AGMO: variants seen among roughly 807,000 people sequenced by gnomAD.
AGMO encodes alkylglycerol monooxygenase.
AGMO carries 75 observed loss-of-function variants against 60.2 expected under a neutral mutation model. The ratio of observed to expected loss-of-function variants is 1.25; its 90% CI spans 1.03 to 1.51. The LOEUF is 1.51. Among genes scored for constraint, AGMO ranks in the 40% most tolerant of loss-of-function variants. The pLI is 0.00. For synonymous variants in AGMO, 261 were observed against 177.1 expected, an observed-to-expected ratio of 1.47 and a Z score of -3.76; for missense variants, 763 against 525.5, an observed-to-expected ratio of 1.45 and a Z score of -4.42.
intron 12 of AGMO, among the ~76,000 whole-genome samples, chr7:15,204,545 T>C (rs970692471): frequency 2.0e-5 from 3 of 152,176 alleles, no homozygotes; most frequent in African/African-American, 7.2e-5. Flanking sequence ...TGTATCCTAG[T>C]TCTAGGCAAG....
chr7:15,539,974 A>G (rs950138749), intron 3 of AGMO, among the ~76,000 whole-genome samples: 2 of 152,182 alleles, frequency 1.3e-5, no homozygotes, highest in African/African-American at 4.8e-5. Context: ...TCAGGGTCCA[A>G]TCAAGAGACA....
chr7:15,127,709 T>C, the AGMO span, among the ~76,000 whole-genome samples: 1 of 152,286 alleles, frequency 6.6e-6, no homozygotes, highest in East Asian at 1.9e-4. Context: ...AACTGGATTT[T>C]ATATTTCTAT....
At chr7:15,468,465 A>G (rs1365071892) in intron 3 of AGMO, among the ~76,000 whole-genome samples, 1 of 152,122 alleles carries the variant, frequency 6.6e-6, no homozygotes. Flanking sequence ...TTATATGTAC[A>G]TGTATAACAC....
intron 12 of AGMO, among the ~76,000 whole-genome samples, chr7:15,342,805 A>AAAAT: frequency 6.9e-6 from 1 of 144,068 alleles, no homozygotes; most frequent in African/African-American, 2.6e-5. Context: ...AAAAAAAAAA[A>AAAAT]TTGATCTGAA....
At chr7:15,209,888 C>T (rs1781539149) in intron 12 of AGMO, among the ~76,000 whole-genome samples, 1 of 152,000 alleles carries the variant, frequency 6.6e-6, no homozygotes, top group Non-Finnish European at 1.5e-5. Context: ...CAGCTGTTTT[C>T]AATAAGACTT....
chr7:15,464,215 G>C (rs1397475658), intron 3 of AGMO, among the ~76,000 whole-genome samples: 1 of 152,164 alleles, frequency 6.6e-6, no homozygotes, highest in African/African-American at 2.4e-5. Flanking sequence ...GAACTGGAGT[G>C]GGACCAGGAG....
intron 3 of AGMO, among the ~76,000 whole-genome samples, chr7:15,523,120 A>G (rs1399821625): frequency 1.3e-5 from 2 of 152,262 alleles, no homozygotes; most frequent in Non-Finnish European, 2.9e-5. Context: ...CATTAGAAAA[A>G]TGCAAATCAA....
At chr7:15,331,107 G>A (rs1781487585) in intron 12 of AGMO, among the ~76,000 whole-genome samples, 2 of 152,144 alleles carry the variant, frequency 1.3e-5, no homozygotes, top group Admixed American at 6.6e-5. Context: ...TAGGAGTAAA[G>A]GAGGCCACTC....
At position 15,448,435 on chromosome 7, in the gene AGMO, C is replaced by A. The variant is rs543697475; in HGVS notation, c.410-17327G>T. 2.6e-5 allele frequency among the ~76,000 whole-genome samples: 4 copies of A among 152,174 alleles called. No homozygotes were observed. The East Asian group carries it at 7.7e-4, about 29-fold the overall frequency. ...ACTTCTTTATCTTGGACTTCCTAGACTCTAGAATATAAAAAATAAACTTCT... is the reference window on the plus strand; with the variant it reads ...ACTTCTTTATCTTGGACTTCCTAGAATCTAGAATATAAAAAATAAACTTCT... On this transcript the variant is annotated intron_variant, in intron 3 of 12. Transcript: ENST00000342526.
At chr7:15,379,244 A>C (rs1783580836) in intron 10 of AGMO, among the ~76,000 whole-genome samples, 1 of 152,086 alleles carries the variant, frequency 6.6e-6, no homozygotes, top group Admixed American at 6.6e-5. Context: ...TCCCAAAGCT[A>C]TCACAAGACA....
At chr7:15,345,883 ATTT>A (rs147407572) in intron 12 of AGMO, among the ~76,000 whole-genome samples, 1 of 151,552 alleles carries the variant, frequency 6.6e-6, no homozygotes, top group Admixed American at 6.6e-5. Flanking sequence ...TTGGTACTTA[ATTT>A]TTTTTTGAGT....
intron 3 of AGMO, among the ~76,000 whole-genome samples, chr7:15,505,413 G>A (rs769398359): frequency 1.3e-5 from 2 of 151,938 alleles, no homozygotes; most frequent in East Asian, 1.9e-4. Flanking sequence ...AACAAGGCAG[G>A]AGAATTTAGA....
At chr7:15,339,290 G>A (rs1781758360) in intron 12 of AGMO, among the ~76,000 whole-genome samples, 1 of 152,160 alleles carries the variant, frequency 6.6e-6, no homozygotes, top group Non-Finnish European at 1.5e-5. Flanking sequence ...GACAAAGTTT[G>A]TGTAAAATCA....
At position 15,560,123 on chromosome 7, in the gene AGMO, G is replaced by A. The variant is rs199875314; in HGVS notation, c.257+18C>T. The A allele has an allele frequency of 1.4e-5, 23 of 1,593,362 alleles. No homozygotes were observed. Among genetic ancestry groups the A allele is most frequent in the Middle Eastern group, 1.7e-4 (1 of 5,960 alleles). On this transcript the variant is annotated intron_variant, in intron 2 of 12. Transcript: ENST00000342526. ...AATTTCAGTTTTTATGCTCAGCGTT[G>A]TTGACCATCTAACTCACCTTGGAAG... is the stretch of plus-strand genomic sequence containing the variant.
At chr7:15,135,204 G>A in the AGMO span, among the ~76,000 whole-genome samples, 1 of 151,546 alleles carries the variant, frequency 6.6e-6, no homozygotes, top group Non-Finnish European at 1.5e-5. Flanking sequence ...GCGTGTGTGT[G>A]GCATATACGT....
At chr7:15,263,666 G>A (rs1783346160) in intron 12 of AGMO, among the ~76,000 whole-genome samples, 1 of 152,002 alleles carries the variant, frequency 6.6e-6, no homozygotes, top group South Asian at 2.1e-4. Context: ...TATGGAACCA[G>A]CACAAATGCT....
chr7:15,442,861 A>T (rs1562509814), intron 3 of AGMO, among the ~76,000 whole-genome samples: 1 of 152,120 alleles, frequency 6.6e-6, no homozygotes, highest in Admixed American at 6.5e-5. Context: ...CAAGTGGAAG[A>T]AGACACAAGC....
At chr7:15,270,497 G>C (rs1783565387) in intron 12 of AGMO, among the ~76,000 whole-genome samples, 1 of 148,638 alleles carries the variant, frequency 6.7e-6, no homozygotes, top group Non-Finnish European at 1.5e-5. Flanking sequence ...TGACTTGTTT[G>C]AGTTCCTCAC....
At chr7:15,423,373 T>C (rs1447584962) in intron 4 of AGMO, among the ~76,000 whole-genome samples, 1 of 152,142 alleles carries the variant, frequency 6.6e-6, no homozygotes, top group Non-Finnish European at 1.5e-5. Flanking sequence ...AAATAAGAGT[T>C]TGTGTTTCTA....
Sources: gnomAD v4.1 joint callset for allele counts (sites outside exome capture counted in the v4.1 genomes callset) on GRCh38, gnomAD v4.1.1 for gene constraint, MANE v1.5 for transcripts, NCBI Gene and HGNC (gene_info 2026-07-23, HGNC 2026-07-21) for gene names.